Variants in SORBS2 observed in about 807,000 individuals in gnomAD.
SORBS2 encodes the protein sorbin and SH3 domain containing 2.
Under a neutral mutation model 97.7 loss-of-function variants are expected in SORBS2, and 46 were observed. The ratio of observed to expected loss-of-function variants is 0.47; its 90% confidence interval spans 0.37 to 0.60. SORBS2 has a LOEUF of 0.60. SORBS2 is among the 20% of genes least tolerant of loss of function. SORBS2 has a pLI of 0.00. For missense variants in SORBS2, 1,316 were observed against 1,282.3 expected, an observed-to-expected ratio of 1.03 and a Z score of -0.40; for synonymous variants, 476 against 473.4, an observed-to-expected ratio of 1.01 and a Z score of -0.07.
At chr4:185,594,248 T>C (rs1424345479) in intron 12 of SORBS2, among the ~76,000 whole-genome samples, 1 of 152,186 alleles carries the variant, frequency 6.6e-6, no homozygotes, top group Non-Finnish European at 1.5e-5. Context: ...GGCAAGAACA[T>C]AGACGGCAAA....
intron 2 of SORBS2, among the ~76,000 whole-genome samples, chr4:185,754,381 A>G (rs1206929314): frequency 6.6e-6 from 1 of 152,106 alleles, no homozygotes; most frequent in Non-Finnish European, 1.5e-5. Flanking sequence ...AATAATCTGC[A>G]CACAAACCCC....
intron 2 of SORBS2, among the ~76,000 whole-genome samples, chr4:185,745,784 C>A (rs2098756112): frequency 6.6e-6 from 1 of 152,188 alleles, no homozygotes; most frequent in Admixed American, 6.5e-5. Flanking sequence ...GATTTGAAGA[C>A]ATCCCTCGGG....
intron 2 of SORBS2, among the ~76,000 whole-genome samples, chr4:185,742,438 G>A (rs1165612720): frequency 6.6e-6 from 1 of 152,144 alleles, no homozygotes; most frequent in Non-Finnish European, 1.5e-5. Context: ...CTATCCGTTT[G>A]TTCATTCCTT....
At chr4:185,792,677 TGTC>T (rs2099086121) in intron 1 of SORBS2, among the ~76,000 whole-genome samples, 1 of 152,196 alleles carries the variant, frequency 6.6e-6, no homozygotes, top group Non-Finnish European at 1.5e-5. Context: ...CTCTTTTTAT[TGTC>T]GTGCTATTTC....
At chr4:185,629,581 T>A (rs1192224157) in intron 5 of SORBS2, among the ~76,000 whole-genome samples, 1 of 150,424 alleles carries the variant, frequency 6.6e-6, no homozygotes, top group East Asian at 1.9e-4. Context: ...TTTTTTTTTT[T>A]AGACTGAGTC....
chr4:185,596,661 A>C (rs907747897), intron 12 of SORBS2, among the ~76,000 whole-genome samples: 1 of 149,150 alleles, frequency 6.7e-6, no homozygotes, highest in Non-Finnish European at 1.5e-5. Context: ...CAGCCTCCCG[A>C]GTAGCTGGGA....
At chr4:185,846,274 T>C (rs945288286) in intron 1 of SORBS2, among the ~76,000 whole-genome samples, 2 of 152,190 alleles carry the variant, frequency 1.3e-5, no homozygotes, top group South Asian at 2.1e-4. Flanking sequence ...AAATGCATCA[T>C]GCCAGTGAAA....
intron 1 of SORBS2, among the ~76,000 whole-genome samples, chr4:185,882,920 A>C (rs1214961989): frequency 6.6e-6 from 1 of 152,212 alleles, no homozygotes; most frequent in African/African-American, 2.4e-5. Flanking sequence ...TGGATCATAG[A>C]AATACATGTA....
chr4:185,597,300 C>G (rs962249951), intron 12 of SORBS2, among the ~76,000 whole-genome samples: 1 of 152,108 alleles, frequency 6.6e-6, no homozygotes, highest in Non-Finnish European at 1.5e-5. Context: ...CTCAGGGATT[C>G]CATGAAGGAT....
chr4:185,600,369 G>T (rs892916232), intron 12 of SORBS2, among the ~76,000 whole-genome samples: 3 of 152,090 alleles, frequency 2.0e-5, no homozygotes, highest in South Asian at 2.1e-4. Flanking sequence ...GACGGAGTCT[G>T]GCTCTGTCGC....
intron 4 of SORBS2, chr4:185,677,727 A>G (rs777672182): frequency 2.0e-4 from 222 of 1,110,582 alleles, no homozygotes; most frequent in Non-Finnish European, 2.6e-4. Flanking sequence ...ACCAGTGTCA[A>G]CCTTGCCTTT....
At chr4:185,732,105 T>C (rs2098645328) in intron 2 of SORBS2, among the ~76,000 whole-genome samples, 1 of 151,934 alleles carries the variant, frequency 6.6e-6, no homozygotes, top group African/African-American at 2.4e-5. Flanking sequence ...AGTTAACCCT[T>C]TCCTTTTGAA....
intron 10 of SORBS2, 34 bp downstream of exon 22, chr4:185,615,011 A>G (rs1013076316): frequency 8.1e-6 from 13 of 1,613,814 alleles, no homozygotes; most frequent in Non-Finnish European, 1.1e-5. Flanking sequence ...CTTTGAAACC[A>G]CCGCCATCCA....
At chr4:185,850,129 G>A (rs1164427274) in intron 1 of SORBS2, among the ~76,000 whole-genome samples, 4 of 152,204 alleles carry the variant, frequency 2.6e-5, no homozygotes, top group Admixed American at 1.3e-4. Flanking sequence ...GGCGAACCTG[G>A]TTTGAAGATG....
chr4:185,920,297 G>A (rs754498926), intron 1 of SORBS2, among the ~76,000 whole-genome samples: 5 of 152,180 alleles, frequency 3.3e-5, no homozygotes, highest in Non-Finnish European at 5.9e-5. Flanking sequence ...GTGGACGCCA[G>A]CAGCAGATCA....
chr4:185,826,681 A>G (rs1226434262), intron 1 of SORBS2, among the ~76,000 whole-genome samples: 1 of 152,194 alleles, frequency 6.6e-6, no homozygotes, highest in Non-Finnish European at 1.5e-5. Flanking sequence ...TAAGAGGCCA[A>G]TGAAATCACA....
At chr4:185,670,322 A>G (rs1205746272) in intron 4 of SORBS2, among the ~76,000 whole-genome samples, 1 of 152,194 alleles carries the variant, frequency 6.6e-6, no homozygotes, top group East Asian at 1.9e-4. Flanking sequence ...AAAAAATTCT[A>G]ATGACTTAAA....
chr4:185,877,883 A>AAAAAAAAAAAAG (rs1344109012), intron 1 of SORBS2, among the ~76,000 whole-genome samples: 6 of 145,176 alleles, frequency 4.1e-5, no homozygotes, highest in African/African-American at 1.5e-4. Context: ...ACAAAAAAAA[A>AAAAAAAAAAAAG]AAAGAAAGAA....
At chr4:185,615,575 T>G (rs536550338) in intron 9 of SORBS2, among the ~76,000 whole-genome samples, 1 of 152,212 alleles carries the variant, frequency 6.6e-6, no homozygotes, top group East Asian at 1.9e-4. Flanking sequence ...CAGCCCCTTT[T>G]GATGTACTGA....
Sources: gnomAD v4.1 joint callset for allele counts (sites outside exome capture counted in the v4.1 genomes callset) on GRCh38, gnomAD v4.1.1 for gene constraint, MANE v1.5 for transcripts, NCBI Gene and HGNC (gene_info 2026-07-23, HGNC 2026-07-21) for gene names.